The following ALG9 variants were observed in gnomAD, a reference collection of about 807,000 sequenced individuals.
The protein encoded by ALG9 is alpha-1,2-mannosyltransferase ALG9.
In ALG9, 55 loss-of-function variants were observed where a neutral mutation model predicts 81.8. The observed-to-expected ratio is 0.67, with a 90% CI of 0.54 to 0.84. ALG9 has a LOEUF of 0.84. ALG9 is among the 40% of genes least tolerant of loss of function. ALG9 has a pLI of 0.00. For synonymous variants in ALG9, 278 were observed against 274.3 expected, an observed-to-expected ratio of 1.01 and a Z score of -0.13; for missense variants, 629 against 745.0, an observed-to-expected ratio of 0.84 and a Z score of 1.81.
At chr11:111,788,752 C>A (rs2554996) in intron 14 of ALG9, among the ~76,000 whole-genome samples, 150,139 of 150,568 alleles carry the variant, frequency 1, 74,855 homozygotes, top group Middle Eastern at 1. Context: ...GACATTGTCC[C>A]AAAAAAAAAA....
At chr11:111,799,446 C>CT (rs35858293) in intron 14 of ALG9, among the ~76,000 whole-genome samples, 38,773 of 141,434 alleles carry the variant, frequency 0.27, 5,282 homozygotes, top group Admixed American at 0.35. Context: ...CGGCTGATTC[C>CT]TTTTTTTTTT....
At chr11:111,821,289 G>A (rs1190285135) in intron 13 of ALG9, among the ~76,000 whole-genome samples, 1 of 151,992 alleles carries the variant, frequency 6.6e-6, no homozygotes, top group Non-Finnish European at 1.5e-5. Context: ...TAACACACCT[G>A]CATTACTGTT....
intron 13 of ALG9, among the ~76,000 whole-genome samples, chr11:111,818,537 CAT>C (rs549330710): frequency 1.6e-3 from 243 of 152,306 alleles, no homozygotes; most frequent in African/African-American, 5.6e-3. Flanking sequence ...GTTGTCCCCT[CAT>C]AAATTCCTAC....
intron 14 of ALG9, among the ~76,000 whole-genome samples, chr11:111,803,747 T>C (rs1478757787): frequency 6.6e-6 from 1 of 152,102 alleles, no homozygotes; most frequent in East Asian, 1.9e-4. Context: ...GGAACAACCA[T>C]GCATCCTCAT....
intron 8 of ALG9, among the ~76,000 whole-genome samples, chr11:111,850,432 A>C (rs1255659919): frequency 6.6e-6 from 1 of 152,144 alleles, no homozygotes; most frequent in East Asian, 1.9e-4. Flanking sequence ...CAGGCCAGGC[A>C]TGGTGGCTCA....
chr11:111,772,653 G>A, the ALG9 span, among the ~76,000 whole-genome samples: 1 of 152,320 alleles, frequency 6.6e-6, no homozygotes, highest in South Asian at 2.1e-4. Context: ...TTCATATAAA[G>A]TGCATAGGTA....
intron 2 of ALG9, among the ~76,000 whole-genome samples, chr11:111,868,943 A>G (rs1963386364): frequency 6.6e-6 from 1 of 151,986 alleles, no homozygotes; most frequent in South Asian, 2.1e-4. Flanking sequence ...CAACATAGCA[A>G]AACCCCATCT....
downstream of ALG9, among the ~76,000 whole-genome samples, chr11:111,777,881 G>C (rs1335206108): frequency 6.6e-6 from 1 of 152,204 alleles, no homozygotes. Flanking sequence ...GTATCTTGTT[G>C]TTGGTTGAGT....
At chr11:111,773,372 G>A in the ALG9 span, among the ~76,000 whole-genome samples, 2 of 152,076 alleles carry the variant, frequency 1.3e-5, no homozygotes, top group African/African-American at 4.8e-5. Context: ...AGCCTCCCAA[G>A]TAGCTGGGAC....
At chr11:111,778,058 A>G (rs1945744450), downstream of ALG9, 1 of 152,236 alleles carries the variant, frequency 6.6e-6, no homozygotes, top group African/African-American at 2.4e-5. Flanking sequence ...AGAGCTACTT[A>G]TATTTTAAAG....
chr11:111,807,113 A>G (rs1271520817), intron 14 of ALG9, among the ~76,000 whole-genome samples: 2 of 152,086 alleles, frequency 1.3e-5, no homozygotes, highest in Non-Finnish European at 2.9e-5. Context: ...CTTACTTACT[A>G]CCATTTATTC....
chr11:111,815,876 C>T (rs1555096626), intron 13 of ALG9, among the ~76,000 whole-genome samples: 1 of 152,166 alleles, frequency 6.6e-6, no homozygotes, highest in African/African-American at 2.4e-5. Context: ...CTGGTAGAAA[C>T]AATCCCTGGA....
intron 14 of ALG9, among the ~76,000 whole-genome samples, chr11:111,802,222 A>G (rs191957741): frequency 1.3e-5 from 2 of 152,354 alleles, no homozygotes; most frequent in Admixed American, 1.3e-4. Context: ...TTTCTTAACT[A>G]AAGCCCAAGC....
In ALG9 at chr11:111,786,081, T is replaced by C. The variant is rs1555062948; in HGVS notation, c.*316A>G. The stretch of plus-strand genomic sequence containing the variant: ...TTCAATTCTTCCTGTAAGTTGGTTC[T>C]GCTCTTCTCCGGTCTAGTAAATAAT... On this transcript the variant is annotated 3_prime_UTR_variant, in exon 15 of 15. Coordinates refer to ENST00000616540, the MANE Select transcript of ALG9 (RefSeq NM_024740.2). 1 of 466,332 alleles carries C rather than the reference T, an allele frequency of 2.1e-6. No individual in the cohort carries two copies. Among genetic ancestry groups the C allele is most frequent in the Non-Finnish European group, 4.3e-6 (1 of 233,604 alleles). 28.9% of individuals were successfully genotyped at this position (466,332 alleles called of 1,614,324 possible). A position where few individuals can be genotyped will look rare whatever the true frequency, so the allele number is the denominator to read the frequency against.
rs1592444097 is a variant in ALG9 at position 111,868,883 on chromosome 11, G to A, written c.271-147C>T. ...CACCTATAATCCCAGCACTTTGGGA[G>A]GGCAAGGCAAGCAGGCTGCTTGAGC... On this transcript the variant is annotated intron_variant, in intron 2 of 14. Transcript: ENST00000616540. 6.5e-6 allele frequency: 5 copies of A among 770,480 alleles called. No individual in the cohort carries two copies. The East Asian group carries it at 1.5e-4, about 23-fold the overall frequency. 47.7% of individuals were successfully genotyped at this position (770,480 alleles called of 1,614,324 possible).
intron 14 of ALG9, chr11:111,804,996 A>C: frequency 4.2e-6 from 1 of 237,820 alleles, no homozygotes. Context: ...TCCACACAAA[A>C]ACCTGCACAG....
At chr11:111,775,822 CTG>C in the ALG9 span, among the ~76,000 whole-genome samples, 1 of 152,212 alleles carries the variant, frequency 6.6e-6, no homozygotes, top group African/African-American at 2.4e-5. Context: ...CCAAAAAAGA[CTG>C]TAGACTTCAA....
intron 13 of ALG9, among the ~76,000 whole-genome samples, chr11:111,812,767 A>C (rs1950912627): frequency 6.6e-6 from 1 of 151,876 alleles, no homozygotes. Context: ...AAATATAAAA[A>C]TTAGCCAGGC....
chr11:111,768,888 A>G, the ALG9 span: 2 of 145,178 alleles, frequency 1.4e-5, no homozygotes, highest in African/African-American at 5.5e-5. Context: ...GAGTCTCACC[A>G]TGCTGCCCAG....
Sources: allele counts gnomAD v4.1 joint callset (sites outside exome capture counted in the v4.1 genomes callset), GRCh38; gene constraint gnomAD v4.1.1; transcripts MANE v1.5; gene names NCBI Gene and HGNC (gene_info 2026-07-23, HGNC 2026-07-21).